Variants in ZBTB20 observed in about 807,000 individuals in gnomAD.
ZBTB20 encodes zinc finger and BTB domain containing 20.
ZBTB20 carries 9 observed loss-of-function variants against 56.9 expected under a neutral mutation model. The ratio of observed to expected loss-of-function variants is 0.16; its 90% confidence interval spans 0.10 to 0.28. ZBTB20 has a LOEUF of 0.28. Among genes scored for constraint, ZBTB20 ranks in the 10% least tolerant of loss-of-function variants. The pLI is 1.00. For missense variants in ZBTB20, 655 were observed against 1,003.0 expected (o/e 0.65, Z 4.69); for synonymous variants, 417 against 420.7 (o/e 0.99, Z 0.11).
chr3:114,963,445 G>C (rs1051808341), intron 3 of ZBTB20, among the ~76,000 whole-genome samples: 1 of 152,124 alleles, frequency 6.6e-6, no homozygotes, highest in Non-Finnish European at 1.5e-5. Flanking sequence ...TAAGGCACCT[G>C]TTTCAGTTGA....
At chr3:114,868,281 G>C (rs1481559711) in intron 4 of ZBTB20, among the ~76,000 whole-genome samples, 4 of 152,070 alleles carry the variant, frequency 2.6e-5, no homozygotes, top group Non-Finnish European at 5.9e-5. Flanking sequence ...AGAGCACTTG[G>C]CAACTGACAA....
At chr3:114,572,084 A>T (rs2053501732) in intron 6 of ZBTB20, among the ~76,000 whole-genome samples, 1 of 151,482 alleles carries the variant, frequency 6.6e-6, no homozygotes, top group Admixed American at 6.6e-5. Flanking sequence ...CGAGACAAAG[A>T]TGATTACTAT....
intron 7 of ZBTB20, among the ~76,000 whole-genome samples, chr3:114,403,305 A>G (rs1177356073): frequency 1.3e-5 from 2 of 152,168 alleles, no homozygotes; most frequent in South Asian, 4.1e-4. Context: ...ACAAAATATC[A>G]GTAAAACACC....
At chr3:114,388,399 TC>T (rs2085414285) in intron 8 of ZBTB20, 1 of 152,228 alleles carries the variant, frequency 6.6e-6, no homozygotes, top group Admixed American at 6.5e-5. Flanking sequence ...TTGCAAGGTC[TC>T]TACTTCTCCT....
At chr3:114,485,724 G>T (rs909302251) in intron 7 of ZBTB20, among the ~76,000 whole-genome samples, 1 of 152,046 alleles carries the variant, frequency 6.6e-6, no homozygotes, top group Non-Finnish European at 1.5e-5. Context: ...TATATAAAAG[G>T]TGTGAAGGAG....
intron 7 of ZBTB20, among the ~76,000 whole-genome samples, chr3:114,399,418 T>C (rs2086622493): frequency 6.6e-6 from 1 of 152,170 alleles, no homozygotes. Flanking sequence ...AGAAGGATAA[T>C]GGTAAAATTT....
At chr3:115,011,546 C>T (rs1329361355) in intron 2 of ZBTB20, among the ~76,000 whole-genome samples, 1 of 151,798 alleles carries the variant, frequency 6.6e-6, no homozygotes, top group East Asian at 2.0e-4. Context: ...CCTAGAATAG[C>T]ATATCTGGTG....
intron 7 of ZBTB20, among the ~76,000 whole-genome samples, chr3:114,442,310 A>G (rs1300533824): frequency 6.6e-6 from 1 of 152,198 alleles, no homozygotes; most frequent in Non-Finnish European, 1.5e-5. Flanking sequence ...TAGAGAGTGA[A>G]AACTACTAGA....
intron 11 of ZBTB20, among the ~76,000 whole-genome samples, chr3:114,349,306 C>A (rs534321264): frequency 1.3e-5 from 2 of 152,042 alleles, no homozygotes; most frequent in Admixed American, 1.3e-4. Context: ...TATGTGCTCA[C>A]TTATATGGAG....
intron 3 of ZBTB20, among the ~76,000 whole-genome samples, chr3:114,918,656 T>C (rs1299343035): frequency 1.3e-5 from 2 of 152,172 alleles, no homozygotes; most frequent in East Asian, 3.9e-4. Flanking sequence ...TCTAGAAATG[T>C]TATCTGGAAG....
At chr3:114,622,940 C>A (rs2058419956) in intron 6 of ZBTB20, among the ~76,000 whole-genome samples, 1 of 152,192 alleles carries the variant, frequency 6.6e-6, no homozygotes, top group Non-Finnish European at 1.5e-5. Context: ...CCTATGAGAA[C>A]CATATTGGCG....
chr3:115,132,089 C>A (rs1335756944), intron 1 of ZBTB20, among the ~76,000 whole-genome samples: 2 of 152,036 alleles, frequency 1.3e-5, no homozygotes, highest in Non-Finnish European at 2.9e-5. Flanking sequence ...AAAAATCTCC[C>A]AAGATTCTAA....
chr3:114,871,205 C>G (rs1312024742), intron 4 of ZBTB20, among the ~76,000 whole-genome samples: 1 of 152,122 alleles, frequency 6.6e-6, no homozygotes, highest in South Asian at 2.1e-4. Context: ...TGCCCCATCT[C>G]CCCTTTCTTT....
intron 5 of ZBTB20, 74 bp downstream of exon 5, chr3:114,801,027 T>C (rs1223734144): frequency 6.6e-6 from 1 of 152,044 alleles, no homozygotes; most frequent in Non-Finnish European, 1.5e-5. Flanking sequence ...CTGGTTACTA[T>C]GTTACCAATG....
intron 7 of ZBTB20, among the ~76,000 whole-genome samples, chr3:114,419,503 T>C (rs1334656854): frequency 6.6e-6 from 1 of 152,138 alleles, no homozygotes; most frequent in Non-Finnish European, 1.5e-5. Flanking sequence ...ACATTGAGGC[T>C]GCTTTTCAAG....
Position 114,748,327 on chromosome 3 carries a change from TTTCTTTC to T in ZBTB20, c.-343+52767_-343+52773del, listed in dbSNP as rs1207727211. Among the ~76,000 whole-genome samples the T allele has an allele frequency of 4.0e-3, 393 of 99,034 alleles. 3 individuals are homozygous for T. The highest frequency in any genetic ancestry group is 8.6e-3 in the African/African-American group (228 of 26,566). 65.0% of individuals were successfully genotyped at this position (99,034 alleles called of 152,430 possible). ...CTTTCTTTCTTTCTTTCTTTCTTTC[TTTCTTTC>T]TTCTTTCTTTCTTTCTTTTCTCTCT... On this transcript the variant is annotated intron_variant, in intron 5 of 11. Transcript: ENST00000675478.
chr3:114,859,927 T>A (rs2075437498), intron 4 of ZBTB20, among the ~76,000 whole-genome samples: 1 of 152,194 alleles, frequency 6.6e-6, no homozygotes, highest in African/African-American at 2.4e-5. Flanking sequence ...AATAAATGAC[T>A]AACCCAATCT....
intron 2 of ZBTB20, among the ~76,000 whole-genome samples, chr3:114,990,051 G>A (rs1221938150): frequency 1.3e-5 from 2 of 152,144 alleles, no homozygotes; most frequent in Non-Finnish European, 2.9e-5. Flanking sequence ...TCTGCAAACA[G>A]GGACAATTTG....
chr3:115,089,300 C>T (rs538465684), intron 1 of ZBTB20, among the ~76,000 whole-genome samples: 3 of 151,832 alleles, frequency 2.0e-5, no homozygotes, highest in East Asian at 3.9e-4. Context: ...ATCTTTCTTT[C>T]CTCATCTTTA....
Sources: allele counts gnomAD v4.1 joint callset (sites outside exome capture counted in the v4.1 genomes callset), GRCh38; gene constraint gnomAD v4.1.1; transcripts MANE v1.5; gene names NCBI Gene and HGNC (gene_info 2026-07-23, HGNC 2026-07-21).